SLC9B1: variants seen among roughly 807,000 people sequenced by gnomAD.
The protein encoded by SLC9B1 is solute carrier family 9 member B1.
SLC9B1 carries 32 observed loss-of-function variants against 51.7 expected under a neutral mutation model. The ratio of observed to expected loss-of-function variants is 0.62; its 90% confidence interval spans 0.47 to 0.83. The LOEUF is 0.83. Among genes scored for constraint, SLC9B1 ranks in the 40% least tolerant of loss-of-function variants. SLC9B1 has a pLI of 0.00. For synonymous variants in SLC9B1, 145 were observed against 212.7 expected (o/e 0.68, Z 2.77); for missense variants, 406 against 613.2 (o/e 0.66, Z 3.57).
At position 102,906,594 on chromosome 4, in the gene SLC9B1, A is replaced by G. The variant is rs1735067080; in HGVS notation, c.1137T>C (p.Leu379=). ...ITTVWDIFQP[L]LFGLVGAEVS... is the part of the protein sequence containing the mutation. Reference sequence around the variant, plus strand: ...CTTCTGCTCCAACTAAACCAAAAAGAAGTGGTTGAAAAATATCCCATACAG... The same window carrying G: ...CTTCTGCTCCAACTAAACCAAAAAGGAGTGGTTGAAAAATATCCCATACAG... Residue 379 remains leucine (L), a synonymous_variant, in exon 10 of 12, where the codon CTT becomes CTC. Transcript: ENST00000296422. 6.3e-7 allele frequency: 1 copy of G among 1,591,174 alleles called. No homozygotes were observed. Among genetic ancestry groups the G allele is most frequent in the Non-Finnish European group, 8.5e-7 (1 of 1,176,166 alleles).
intron 6 of SLC9B1, among the ~76,000 whole-genome samples, chr4:102,940,896 T>C (rs902459972): frequency 6.6e-6 from 1 of 152,070 alleles, no homozygotes; most frequent in Admixed American, 6.6e-5. Context: ...ACTCGGAAAT[T>C]GTGCTGGGAT....
intron 3 of SLC9B1, among the ~76,000 whole-genome samples, chr4:102,970,446 T>G (rs1305471614): frequency 6.6e-6 from 1 of 152,140 alleles, no homozygotes; most frequent in Non-Finnish European, 1.5e-5. Flanking sequence ...GCTGAGAGAT[T>G]TTGTTACCAC....
chr4:102,998,092 C>T (rs993393340), intron 1 of SLC9B1, among the ~76,000 whole-genome samples: 9 of 152,018 alleles, frequency 5.9e-5, no homozygotes, highest in Non-Finnish European at 1.0e-4. Flanking sequence ...GTTAAGCAAC[C>T]ATCACCACCA....
intron 3 of SLC9B1, among the ~76,000 whole-genome samples, chr4:102,956,018 G>T (rs1451687465): frequency 6.6e-6 from 1 of 152,178 alleles, no homozygotes; most frequent in Non-Finnish European, 1.5e-5. Context: ...GGTTTACTCT[G>T]AACAGCTGCT....
At chr4:103,012,285 C>T (rs992386465) in intron 1 of SLC9B1, among the ~76,000 whole-genome samples, 6 of 152,164 alleles carry the variant, frequency 3.9e-5, no homozygotes, top group African/African-American at 1.4e-4. Flanking sequence ...AAGTTCTTTG[C>T]TACTTTATAA....
At chr4:102,907,455 A>G in intron 9 of SLC9B1, among the ~76,000 whole-genome samples, 2 of 152,376 alleles carry the variant, frequency 1.3e-5, no homozygotes, top group East Asian at 1.9e-4. Context: ...CTTCCAAAGA[A>G]CCCATGTTGA....
chr4:102,955,413 C>G (rs558128759), intron 3 of SLC9B1, among the ~76,000 whole-genome samples: 1 of 152,172 alleles, frequency 6.6e-6, no homozygotes, highest in Non-Finnish European at 1.5e-5. Context: ...CGGACTAATA[C>G]ACTCTCATCT....
At chr4:102,921,503 T>C (rs1735875346) in intron 7 of SLC9B1, among the ~76,000 whole-genome samples, 1 of 151,938 alleles carries the variant, frequency 6.6e-6, no homozygotes, top group East Asian at 1.9e-4. Flanking sequence ...ACTGCATCAA[T>C]TAACGGGCAA....
intron 7 of SLC9B1, among the ~76,000 whole-genome samples, chr4:102,922,038 A>G (rs1328484673): frequency 2.0e-5 from 3 of 152,200 alleles, no homozygotes; most frequent in Admixed American, 6.5e-5. Context: ...CAGGACCTGA[A>G]CTCAGCTCTG....
downstream of SLC9B1, chr4:102,897,767 C>A (rs1012254390): frequency 1.8e-4 from 89 of 483,270 alleles, no homozygotes; most frequent in Non-Finnish European, 2.9e-4. Context: ...CGAGTCATGT[C>A]AACACAGCTG....
At chr4:102,908,860 A>G (rs563513007) in intron 9 of SLC9B1, among the ~76,000 whole-genome samples, 147 of 145,828 alleles carry the variant, frequency 1.0e-3, no homozygotes, top group African/African-American at 4.0e-3. Flanking sequence ...AATTAGAAAC[A>G]AAAAAATAAA....
At chr4:102,945,621 T>C (rs1352627356) in intron 5 of SLC9B1, among the ~76,000 whole-genome samples, 1 of 152,148 alleles carries the variant, frequency 6.6e-6, no homozygotes, top group African/African-American at 2.4e-5. Flanking sequence ...AATAGTATAA[T>C]AATAGTGTCC....
At chr4:102,922,276 T>C (rs1019377546) in intron 7 of SLC9B1, among the ~76,000 whole-genome samples, 1 of 152,088 alleles carries the variant, frequency 6.6e-6, no homozygotes, top group African/African-American at 2.4e-5. Context: ...ACTGAACAAC[T>C]ACATGGAACT....
chr4:102,981,712 T>C (rs554048697), intron 3 of SLC9B1, among the ~76,000 whole-genome samples: 1 of 152,318 alleles, frequency 6.6e-6, no homozygotes, highest in South Asian at 2.1e-4. Context: ...GTTTGTTTTC[T>C]TTTTGGTGAA....
chr4:102,997,423 T>A (rs1432737246), intron 1 of SLC9B1, among the ~76,000 whole-genome samples: 1 of 152,186 alleles, frequency 6.6e-6, no homozygotes, highest in African/African-American at 2.4e-5. Context: ...GTATTTTATG[T>A]TTTTTGGATG....
Position 102,945,287 on chromosome 4 carries a change from A to T in SLC9B1, c.559T>A (p.Leu187Met). The change falls in exon 6 of 12, where the codon TTG (leucine) becomes ATG (methionine). Residue 187 changes from leucine (L) to methionine (M), a missense_variant. Around this residue, in one of 6 missense-constraint regions of SLC9B1, gnomAD observed 250 missense variants for 394.1 expected, o/e 0.63. Coordinates refer to ENST00000296422, the MANE Select transcript of SLC9B1 (RefSeq NM_139173.4). ...LRHLKVVCFR[L>M]AVGPCLMEAS... The stretch of plus-strand genomic sequence containing the variant: ...TCCATAAGGCATGGACCTACAGCCA[A>T]TCTGAAACAAACGACCTTCAAATGC... The T allele has an allele frequency of 3.1e-6, 5 of 1,599,294 alleles. No homozygotes were observed. Among genetic ancestry groups the T allele is most frequent in the Non-Finnish European group, 4.3e-6 (5 of 1,170,246 alleles).
chr4:102,917,054 G>A (rs1031147282), intron 7 of SLC9B1, among the ~76,000 whole-genome samples: 1 of 152,234 alleles, frequency 6.6e-6, no homozygotes, highest in Non-Finnish European at 1.5e-5. Flanking sequence ...GGAACATTCA[G>A]CTTGCTTGGA....
chr4:102,963,105 T>C (rs1423956094), intron 3 of SLC9B1: 2 of 381,086 alleles, frequency 5.2e-6, no homozygotes, highest in East Asian at 1.4e-4. Context: ...GAGTGGTACA[T>C]GCCAGATTAA....
intron 6 of SLC9B1, among the ~76,000 whole-genome samples, chr4:102,943,518 C>CACACACACACACAT (rs1737118458): frequency 6.6e-6 from 1 of 151,756 alleles, no homozygotes; most frequent in Non-Finnish European, 1.5e-5. Context: ...CACACACACA[C>CACACACACACACAT]ACACACACAC....
Sources: gnomAD v4.1 joint callset for allele counts (sites outside exome capture counted in the v4.1 genomes callset) on GRCh38, gnomAD v4.1.1 for gene constraint, gnomAD v4.1.1 regional missense constraint, MANE v1.5 for transcripts, NCBI Gene and HGNC (gene_info 2026-07-23, HGNC 2026-07-21) for gene names.